Variants in CLTB observed in about 807,000 individuals in gnomAD.
CLTB encodes the protein clathrin, light chain (Lcb).
In CLTB, 10 loss-of-function variants were observed where a neutral mutation model predicts 30.5. That is an observed-to-expected ratio of 0.33 (90% CI 0.20 to 0.56). CLTB has a LOEUF of 0.56. Ranked by LOEUF, CLTB falls within the 20% of genes least tolerant of loss-of-function variation. CLTB has a pLI of 0.91. For synonymous variants in CLTB, 102 were observed against 120.3 expected (o/e 0.85, Z 1.00); for missense variants, 261 against 308.3 (o/e 0.85, Z 1.15).
chr5:176,408,576 A>G (rs1304830473), intron 2 of CLTB, among the ~76,000 whole-genome samples: 1 of 151,380 alleles, frequency 6.6e-6, no homozygotes, highest in Non-Finnish European at 1.5e-5. Flanking sequence ...GGCTAAGTGT[A>G]GTAGTGTAAT....
Position 176,416,422 on chromosome 5 carries a change from C to T in CLTB, c.-59G>A, listed in dbSNP as rs945294751. On this transcript the variant is annotated 5_prime_UTR_variant, in exon 1 of 6. Coordinates refer to ENST00000310418, the MANE Select transcript of CLTB (RefSeq NM_007097.5). ...CTCGGCTCTGCCCGCGCCTGCCCCG[C>T]GCTGCGTCCGGCGGCCGCGACGCTG... The T allele has an allele frequency of 7.4e-5, 102 of 1,372,626 alleles. No individual in the cohort carries two copies. In the African/African-American group the frequency reaches 1.3e-3, roughly 17 times the overall value. The allele number at this position is 1,372,626 out of a possible 1,614,324, so 85.0% of individuals were successfully genotyped here.
chr5:176,397,683 C>T lies in CLTB; in HGVS notation c.388G>A (p.Glu130Lys). The change falls in exon 4 of 6, where the codon GAG becomes AAG. Residue 130 changes from glutamate to lysine, a missense_variant. Physicochemically the swap from Glu to Lys is moderately conservative, Grantham distance 56 (BLOSUM62 1). This residue lies in a region of CLTB where 123 missense variants were observed against 157.0 expected (regional missense o/e 0.78). Transcript: ENST00000310418. ...ASKVTEQEWREKAKKDLEEWN... is the reference protein window; with the variant it reads ...ASKVTEQEWRKKAKKDLEEWN... ...TCCTCCAGGTCCTTCTTGGCCTTCT[C>T]CCGCCATTCCTGTTCCGTGACCTTA... The T allele has an allele frequency of 6.2e-7, 1 of 1,613,850 alleles. No individual in the cohort carries two copies. Among genetic ancestry groups the T allele is most frequent in the South Asian group, 1.1e-5 (1 of 91,064 alleles).
At chr5:176,411,977 C>T (rs1291600976) in intron 1 of CLTB, among the ~76,000 whole-genome samples, 1 of 151,940 alleles carries the variant, frequency 6.6e-6, no homozygotes, top group Non-Finnish European at 1.5e-5. Context: ...GAGATCGAGA[C>T]CATCCTGGCT....
chr5:176,398,660 C>T (rs974971908), intron 2 of CLTB, among the ~76,000 whole-genome samples: 6 of 151,014 alleles, frequency 4.0e-5, no homozygotes, highest in Non-Finnish European at 8.9e-5. Flanking sequence ...TGCAGTGAGC[C>T]GAGATCACAC....
At chr5:176,401,777 C>G (rs747532701) in intron 2 of CLTB, 1 of 456,070 alleles carries the variant, frequency 2.2e-6, no homozygotes. Context: ...AACAATTTCC[C>G]GAGGGTGCTG....
intron 2 of CLTB, among the ~76,000 whole-genome samples, chr5:176,404,549 G>T (rs759496789): frequency 6.6e-6 from 1 of 152,160 alleles, no homozygotes; most frequent in East Asian, 1.9e-4. Context: ...CTAAACCTCC[G>T]CTGCAGCCTG....
At chr5:176,397,901 A>C in intron 3 of CLTB, 29 bp downstream of exon 3, 1 of 1,596,622 alleles carries the variant, frequency 6.3e-7, no homozygotes, top group Non-Finnish European at 8.6e-7. Flanking sequence ...CAGCCCACCC[A>C]GCCAACCCCG....
intron 2 of CLTB, among the ~76,000 whole-genome samples, chr5:176,400,369 C>A (rs1234727729): frequency 6.6e-6 from 1 of 152,082 alleles, no homozygotes; most frequent in Non-Finnish European, 1.5e-5. Flanking sequence ...TTATTCATTC[C>A]CATTTTACAA....
chr5:176,396,707 A>G lies in CLTB; in HGVS notation c.465-175T>C, dbSNP rs11955577. On this transcript the variant is annotated intron_variant, in intron 4 of 5. Transcript: ENST00000310418. ...AACGACCCACAGCCCCAAACAGGAG[A>G]ATGGGGACCTTCACCCTGGCCCCAG... Among the ~76,000 whole-genome samples, 361 of 152,034 alleles carry G rather than the reference A, an allele frequency of 2.4e-3. 1 individual carries two copies. Among genetic ancestry groups the G allele is most frequent in the African/African-American group, 8.4e-3 (350 of 41,450 alleles).
chr5:176,409,453 T>C (rs1488476676), intron 2 of CLTB, among the ~76,000 whole-genome samples: 1 of 119,286 alleles, frequency 8.4e-6, no homozygotes, highest in Non-Finnish European at 1.7e-5. Context: ...CACTCTCATC[T>C]CCCAGGCTGG....
At chr5:176,415,044 T>C (rs1757626947) in intron 1 of CLTB, among the ~76,000 whole-genome samples, 1 of 152,222 alleles carries the variant, frequency 6.6e-6, no homozygotes, top group Non-Finnish European at 1.5e-5. Flanking sequence ...CAACAGGAAG[T>C]AAAACCTGTT....
At chr5:176,405,889 C>T (rs563368832) in intron 2 of CLTB, 2 of 151,880 alleles carry the variant, frequency 1.3e-5, no homozygotes, top group South Asian at 2.1e-4. Flanking sequence ...TATGGTAACA[C>T]TCTGCAGCCC....
In CLTB at chr5:176,410,253, T is replaced by C; in HGVS notation, c.234+4A>G. The C allele has an allele frequency of 6.2e-7, 1 of 1,613,880 alleles. No homozygotes were observed. The highest frequency in any genetic ancestry group is 8.5e-7 in the Non-Finnish European group (1 of 1,179,818). The stretch of plus-strand genomic sequence containing the variant: ...TACCACTGCTGAGACAGAGCCTTGC[T>C]TACCTGAAACACATCTCCATTGACT... On this transcript the variant is annotated splice_donor_region_variant and intron_variant, in intron 2 of 5. Coordinates refer to ENST00000310418, the MANE Select transcript of CLTB (RefSeq NM_007097.5).
intron 2 of CLTB, among the ~76,000 whole-genome samples, chr5:176,409,406 C>CTTTT (rs34831947): frequency 1.8e-4 from 14 of 79,646 alleles, no homozygotes; most frequent in African/African-American, 2.3e-4. Context: ...TCTGATTGCC[C>CTTTT]TTTTTTTTTT....
rs1756641955 is a variant in CLTB, at chr5:176,398,139, ACT to A, written c.235-94_235-93del. On this transcript the variant is annotated intron_variant, in intron 2 of 5. Coordinates refer to ENST00000310418, the MANE Select transcript of CLTB (RefSeq NM_007097.5). ...CTGGGGACCCACTCATGTCTGGATA[ACT>A]CAGCCTCAAACAACCTCATACCCAC... 51 of 1,170,432 alleles carry A rather than the reference ACT, an allele frequency of 4.4e-5. No individual in the cohort carries two copies. The South Asian group carries it at 6.3e-4, about 14-fold the overall frequency. 72.5% of individuals were successfully genotyped at this position (1,170,432 alleles called of 1,614,324 possible). A position where few individuals can be genotyped will look rare whatever the true frequency, so the allele number is the denominator to read the frequency against.
intron 2 of CLTB, 72 bp from the exon 3 acceptor site, chr5:176,398,119 G>A (rs929158605): frequency 2.0e-5 from 27 of 1,381,686 alleles, no homozygotes; most frequent in Non-Finnish European, 2.6e-5. Flanking sequence ...CCCTGCTGGG[G>A]ACCCACTCAT....
At chr5:176,410,221 T>C (rs1479375162) in intron 2 of CLTB, 36 bp downstream of exon 2, 1 of 1,600,040 alleles carries the variant, frequency 6.2e-7, no homozygotes, top group African/African-American at 1.3e-5. Context: ...CCAGGGCTGT[T>C]GGTCCTTACC....
intron 1 of CLTB, among the ~76,000 whole-genome samples, chr5:176,414,224 C>T (rs1376636370): frequency 6.6e-6 from 1 of 152,174 alleles, no homozygotes; most frequent in Non-Finnish European, 1.5e-5. Flanking sequence ...AAAGGGTGGT[C>T]TCACAGAGGT....
In CLTB at chr5:176,403,137, C is replaced by T. The variant is rs536143286; in HGVS notation, c.235-5090G>A. 1.9e-4 allele frequency among the ~76,000 whole-genome samples: 28 copies of T among 150,094 alleles called. No individual in the cohort carries two copies. The East Asian group carries it at 3.6e-3, about 19-fold the overall frequency. On this transcript the variant is annotated intron_variant, in intron 2 of 5. Transcript: ENST00000310418. ...GGATCTCGGCTCACTGCAACCTTGG[C>T]CTCCTGGGTTCAAGCGATTCTCCTG...
Sources: allele counts gnomAD v4.1 joint callset (sites outside exome capture counted in the v4.1 genomes callset), GRCh38; gene constraint gnomAD v4.1.1; regional missense constraint gnomAD v4.1.1; transcripts MANE v1.5; gene names NCBI Gene and HGNC (gene_info 2026-07-23, HGNC 2026-07-21).